CCDC69: variants seen among roughly 807,000 people sequenced by gnomAD.
The protein encoded by CCDC69 is coiled-coil domain-containing protein 69.
A neutral mutation model predicts 40.3 loss-of-function variants in CCDC69; 38 were observed. The ratio of observed to expected loss-of-function variants is 0.94; its 90% CI spans 0.73 to 1.24. The LOEUF (loss-of-function observed/expected upper bound fraction) is 1.24, where lower values mean the gene tolerates loss of function less well. Ranked by LOEUF, CCDC69 falls within the 50% of genes most tolerant of loss-of-function variation. The pLI is 0.00. For synonymous variants in CCDC69, 141 were observed against 138.9 expected, an observed-to-expected ratio of 1.02 and a Z score of -0.11; for missense variants, 389 against 357.9, an observed-to-expected ratio of 1.09 and a Z score of -0.70.
chr5:151,186,529 G>C (rs113336447), intron 5 of CCDC69, among the ~76,000 whole-genome samples: 8 of 151,880 alleles, frequency 5.3e-5, no homozygotes, highest in Non-Finnish European at 1.0e-4. Context: ...TGCCTTTAAC[G>C]GCTCCCCATA....
At chr5:151,205,352 G>A (rs1752838390) in intron 2 of CCDC69, 48 bp downstream of exon 2, 2 of 1,388,692 alleles carry the variant, frequency 1.4e-6, no homozygotes, top group South Asian at 1.2e-5. Context: ...TTATAAGGTA[G>A]GAACCTCACA....
chr5:151,218,590 C>T (rs153472), intron 1 of CCDC69, among the ~76,000 whole-genome samples: 91,749 of 152,128 alleles, frequency 0.6, 28,452 homozygotes, highest in East Asian at 0.96. Flanking sequence ...TCTCAGACTT[C>T]TGTTCACTGG....
intron 3 of CCDC69, 111 bp downstream of exon 3, chr5:151,201,471 A>G (rs1582044923): frequency 1.5e-6 from 1 of 665,328 alleles, no homozygotes; most frequent in East Asian, 2.7e-5. Context: ...TGGTAAAATG[A>G]GTAAGGGACT....
At chr5:151,185,946 G>A in intron 6 of CCDC69, 77 bp downstream of exon 6, 1 of 941,318 alleles carries the variant, frequency 1.1e-6, no homozygotes, top group Non-Finnish European at 1.8e-6. Context: ...TTGAAGAGGG[G>A]CTGGTCTTTC....
At chr5:151,193,342 CAAAAAAAA>C (rs35463341) in intron 4 of CCDC69, among the ~76,000 whole-genome samples, 2 of 77,564 alleles carry the variant, frequency 2.6e-5, no homozygotes, top group East Asian at 3.6e-4. Flanking sequence ...CTCATTTCTA[CAAAAAAAA>C]AAAAAAAAAA....
intron 1 of CCDC69, 71 bp downstream of exon 1, chr5:151,223,852 G>T: frequency 1.4e-6 from 2 of 1,478,730 alleles, no homozygotes; most frequent in Non-Finnish European, 1.9e-6. Context: ...GGGGCGCCGA[G>T]TCCTCTGCGG....
chr5:151,192,364 A>G (rs2113987829), intron 4 of CCDC69, among the ~76,000 whole-genome samples: 1 of 152,132 alleles, frequency 6.6e-6, no homozygotes, highest in East Asian at 1.9e-4. Context: ...GACACAGCAG[A>G]TATATGAAAT....
intron 4 of CCDC69, among the ~76,000 whole-genome samples, chr5:151,193,992 G>T (rs1441040699): frequency 3.3e-5 from 5 of 152,198 alleles, no homozygotes; most frequent in African/African-American, 1.2e-4. Flanking sequence ...TTATTGAAAT[G>T]TAAATTAAAC....
intron 1 of CCDC69, among the ~76,000 whole-genome samples, chr5:151,219,323 G>A (rs866436151): frequency 5.5e-5 from 8 of 146,320 alleles, no homozygotes; most frequent in Middle Eastern, 3.2e-3. Flanking sequence ...CCTAACCCCC[G>A]CCCCCCTTCT....
intron 4 of CCDC69, among the ~76,000 whole-genome samples, chr5:151,193,151 C>T (rs1268475477): frequency 6.6e-6 from 1 of 151,872 alleles, no homozygotes; most frequent in Non-Finnish European, 1.5e-5. Flanking sequence ...AGAATCAATT[C>T]CCCATGGATA....
chr5:151,184,322 A>T, intron 8 of CCDC69, 22 bp downstream of exon 8: 2 of 1,591,390 alleles, frequency 1.3e-6, no homozygotes, highest in Non-Finnish European at 1.7e-6. Context: ...GATGGGAGTA[A>T]AGGAGGCAGG....
At chr5:151,210,401 G>C (rs1188906569) in intron 1 of CCDC69, among the ~76,000 whole-genome samples, 1 of 151,962 alleles carries the variant, frequency 6.6e-6, no homozygotes, top group Non-Finnish European at 1.5e-5. Flanking sequence ...AAATTAGCCA[G>C]GCGGTAGTGG....
At chr5:151,187,753 C>T (rs1752545856) in intron 4 of CCDC69, among the ~76,000 whole-genome samples, 1 of 152,194 alleles carries the variant, frequency 6.6e-6, no homozygotes, top group African/African-American at 2.4e-5. Context: ...AAAGATCTTG[C>T]AGGAAGCATG....
At chr5:151,200,336 G>A (rs248456) in intron 3 of CCDC69, among the ~76,000 whole-genome samples, 132,403 of 152,062 alleles carry the variant, frequency 0.87, 57,980 homozygotes, top group Admixed American at 0.92. Context: ...CGGTGGTCTC[G>A]CCATGTTGCC....
intron 1 of CCDC69, among the ~76,000 whole-genome samples, chr5:151,218,607 T>TC (rs1248296621): frequency 6.6e-6 from 1 of 152,258 alleles, no homozygotes; most frequent in African/African-American, 2.4e-5. Flanking sequence ...CTGGCTGATC[T>TC]ATGCACCCTG....
At chr5:151,201,088 A>G (rs1268690648) in intron 3 of CCDC69, among the ~76,000 whole-genome samples, 1 of 152,236 alleles carries the variant, frequency 6.6e-6, no homozygotes, top group African/African-American at 2.4e-5. Flanking sequence ...CTCTGCTGCC[A>G]GGGATTATCC....
chr5:151,223,855 C>T, intron 1 of CCDC69, 68 bp downstream of exon 1: 1 of 1,506,290 alleles, frequency 6.6e-7, no homozygotes, highest in Admixed American at 1.8e-5. Flanking sequence ...GCGCCGAGTC[C>T]TCTGCGGCGG....
chr5:151,219,496 C>A (rs1404035117), intron 1 of CCDC69, among the ~76,000 whole-genome samples: 1 of 152,072 alleles, frequency 6.6e-6, no homozygotes, highest in Non-Finnish European at 1.5e-5. Flanking sequence ...GTTAAATAAG[C>A]CACGGAACAG....
intron 1 of CCDC69, among the ~76,000 whole-genome samples, chr5:151,216,370 G>C (rs1399049105): frequency 6.7e-6 from 1 of 150,014 alleles, no homozygotes; most frequent in Non-Finnish European, 1.5e-5. Context: ...TCAAGGAAGG[G>C]TAGCTTCCAT....
Sources: gnomAD v4.1 joint callset for allele counts (sites outside exome capture counted in the v4.1 genomes callset) on GRCh38, gnomAD v4.1.1 for gene constraint, MANE v1.5 for transcripts, NCBI Gene and HGNC (gene_info 2026-07-23, HGNC 2026-07-21) for gene names.